The following KDM4C variants were observed in gnomAD, a reference collection of about 807,000 sequenced individuals.
KDM4C encodes lysine-specific demethylase 4C.
In KDM4C, 81 loss-of-function variants were observed where a neutral mutation model predicts 129.3. The observed-to-expected ratio is 0.63, with a 90% CI of 0.52 to 0.75. The LOEUF (loss-of-function observed/expected upper bound fraction) is 0.75, where lower values mean the gene tolerates loss of function less well. KDM4C is among the 30% of genes least tolerant of loss of function. KDM4C has a pLI of 0.00. For missense variants in KDM4C, 1,457 were observed against 1,304.0 expected (o/e 1.12, Z -1.81); for synonymous variants, 573 against 456.1 (o/e 1.26, Z -3.26).
chr9:6,744,684 C>A (rs1445265254), intron 1 of KDM4C, among the ~76,000 whole-genome samples: 2 of 152,150 alleles, frequency 1.3e-5, no homozygotes, highest in Non-Finnish European at 2.9e-5. Flanking sequence ...CATGAGCTGC[C>A]ACCCTCAGCC....
chr9:6,894,227 A>G (rs1371562935), intron 8 of KDM4C, among the ~76,000 whole-genome samples: 1 of 152,268 alleles, frequency 6.6e-6, no homozygotes, highest in African/African-American at 2.4e-5. Flanking sequence ...AAAGATAAAT[A>G]AAATATAGCC....
At chr9:6,794,163 C>T (rs535753439) in intron 2 of KDM4C, among the ~76,000 whole-genome samples, 6 of 152,328 alleles carry the variant, frequency 3.9e-5, no homozygotes, top group Admixed American at 3.3e-4. Context: ...ATGTGCCAGA[C>T]ACTATGCCAG....
chr9:6,840,834 A>T (rs971014356), intron 4 of KDM4C, among the ~76,000 whole-genome samples: 2 of 152,094 alleles, frequency 1.3e-5, no homozygotes, highest in East Asian at 3.8e-4. Flanking sequence ...TTCCAATTCT[A>T]TGTGAGATGG....
intron 19 of KDM4C, among the ~76,000 whole-genome samples, chr9:7,128,774 G>C (rs906141472): frequency 2.8e-5 from 4 of 145,378 alleles, no homozygotes; most frequent in African/African-American, 1.1e-4. Flanking sequence ...AGAACTCTGT[G>C]TGTGTGTGTG....
At chr9:7,060,454 GTTATTA>G (rs147100950) in intron 17 of KDM4C, among the ~76,000 whole-genome samples, 4,707 of 127,480 alleles carry the variant, frequency 0.037, 115 homozygotes, top group Non-Finnish European at 0.051. Context: ...CAGTATTGTT[GTTATTA>G]TTATTATTAT....
chr9:7,011,643 T>A, intron 12 of KDM4C, 55 bp from the exon 13 acceptor site: 3 of 1,466,018 alleles, frequency 2.0e-6, no homozygotes, highest in East Asian at 2.3e-5. Flanking sequence ...GTACTCAGGG[T>A]GATTGTTTTC....
chr9:7,044,027 CAG>C, intron 15 of KDM4C, among the ~76,000 whole-genome samples: 1 of 152,124 alleles, frequency 6.6e-6, no homozygotes, highest in South Asian at 2.1e-4. Context: ...ATTAACCTGA[CAG>C]ATATTCCAAT....
At chr9:6,958,184 G>A (rs185645659) in intron 8 of KDM4C, among the ~76,000 whole-genome samples, 161 of 151,652 alleles carry the variant, frequency 1.1e-3, no homozygotes, top group African/African-American at 3.6e-3. Flanking sequence ...TCACAATGCC[G>A]TCTTTCACCT....
intron 12 of KDM4C, among the ~76,000 whole-genome samples, chr9:6,991,524 C>T (rs867380922): frequency 6.6e-6 from 1 of 152,112 alleles, no homozygotes; most frequent in Non-Finnish European, 1.5e-5. Context: ...AGGATTAATT[C>T]AGGCAGGTTT....
At chr9:6,850,459 T>A (rs564767939) in intron 5 of KDM4C, among the ~76,000 whole-genome samples, 7 of 151,958 alleles carry the variant, frequency 4.6e-5, no homozygotes, top group Non-Finnish European at 7.4e-5. Context: ...ATTTTATTTT[T>A]TTTTGAGATG....
intron 1 of KDM4C, among the ~76,000 whole-genome samples, chr9:6,785,327 C>G (rs1825244085): frequency 6.7e-6 from 1 of 148,654 alleles, no homozygotes; most frequent in Non-Finnish European, 1.5e-5. Flanking sequence ...GTGTCTGTCT[C>G]TTCTCCTCTT....
At chr9:6,753,969 G>A (rs1404776443), upstream of KDM4C, among the ~76,000 whole-genome samples, 1 of 149,710 alleles carries the variant, frequency 6.7e-6, no homozygotes, top group Non-Finnish European at 1.5e-5. Context: ...CCGCCTCCCG[G>A]GTTCATGCCA....
At chr9:6,857,737 CCA>C (rs1840122791) in intron 5 of KDM4C, among the ~76,000 whole-genome samples, 1 of 151,318 alleles carries the variant, frequency 6.6e-6, no homozygotes, top group Admixed American at 6.6e-5. Context: ...AAATAGTTTT[CCA>C]GAGTAGCCAG....
chr9:6,756,975 C>A (rs960359145), upstream of KDM4C, among the ~76,000 whole-genome samples: 3 of 152,200 alleles, frequency 2.0e-5, no homozygotes, highest in Non-Finnish European at 4.4e-5. Flanking sequence ...TATGCCCAAT[C>A]TTTCTTAGCT....
At chr9:6,967,626 A>C (rs1382453391) in intron 8 of KDM4C, among the ~76,000 whole-genome samples, 3 of 152,134 alleles carry the variant, frequency 2.0e-5, no homozygotes. Context: ...AGATCATGAC[A>C]GGCAGGGGGC....
At chr9:7,032,756 T>G (rs992770663) in intron 15 of KDM4C, among the ~76,000 whole-genome samples, 2 of 152,190 alleles carry the variant, frequency 1.3e-5, no homozygotes, top group Admixed American at 6.5e-5. Context: ...CTTTTGTTTT[T>G]GGAGGGGAAA....
At chr9:7,145,995 A>G (rs948187006) in intron 19 of KDM4C, among the ~76,000 whole-genome samples, 5 of 152,262 alleles carry the variant, frequency 3.3e-5, no homozygotes, top group African/African-American at 4.8e-5. Context: ...GGCTAGTGCA[A>G]GCATGACGGC....
At chr9:6,869,264 G>T (rs1161235377) in intron 5 of KDM4C, among the ~76,000 whole-genome samples, 1 of 152,138 alleles carries the variant, frequency 6.6e-6, no homozygotes, top group African/African-American at 2.4e-5. Flanking sequence ...GGCCATGAAT[G>T]GCATTAAGGG....
intron 18 of KDM4C, among the ~76,000 whole-genome samples, chr9:7,115,322 G>A (rs1838775858): frequency 6.6e-6 from 1 of 151,874 alleles, no homozygotes; most frequent in Admixed American, 6.6e-5. Flanking sequence ...TCAACAATTT[G>A]TACTTTTTTA....
Sources: allele counts gnomAD v4.1 joint callset (sites outside exome capture counted in the v4.1 genomes callset), GRCh38; gene constraint gnomAD v4.1.1; transcripts MANE v1.5; gene names NCBI Gene and HGNC (gene_info 2026-07-23, HGNC 2026-07-21).